NRXN3: variants seen among roughly 807,000 people sequenced by gnomAD.
NRXN3 encodes neurexin III.
A neutral mutation model predicts 137.6 loss-of-function variants in NRXN3; 32 were observed. The observed-to-expected ratio is 0.23, with a 90% CI of 0.18 to 0.31. NRXN3 has a LOEUF of 0.31. Among genes scored for constraint, NRXN3 ranks in the 10% least tolerant of loss-of-function variants. NRXN3 has a pLI of 1.00. For missense variants in NRXN3, 1,574 were observed against 2,062.5 expected (o/e 0.76, Z 4.59); for synonymous variants, 798 against 784.5 (o/e 1.02, Z -0.29).
intron 13 of NRXN3, among the ~76,000 whole-genome samples, chr14:78,967,649 G>A (rs952457561): frequency 6.6e-6 from 1 of 152,148 alleles, no homozygotes; most frequent in African/African-American, 2.4e-5. Context: ...ATGACAGGAT[G>A]AGTGTCAAAG....
At chr14:78,754,887 C>T (rs2098660815) in intron 8 of NRXN3, among the ~76,000 whole-genome samples, 1 of 151,396 alleles carries the variant, frequency 6.6e-6, no homozygotes, top group South Asian at 2.1e-4. Flanking sequence ...GTATCCACAC[C>T]TTTTTATAAT....
At chr14:78,537,203 A>C (rs2096544548) in intron 4 of NRXN3, among the ~76,000 whole-genome samples, 1 of 152,202 alleles carries the variant, frequency 6.6e-6, no homozygotes, top group African/African-American at 2.4e-5. Flanking sequence ...CAATGGTTGA[A>C]CTAATTTACA....
At chr14:78,201,449 G>A (rs1455267908) in intron 1 of NRXN3, among the ~76,000 whole-genome samples, 1 of 152,122 alleles carries the variant, frequency 6.6e-6, no homozygotes, top group Non-Finnish European at 1.5e-5. Context: ...ATCTCGAGCT[G>A]GTGCAGAAAA....
intron 17 of NRXN3, among the ~76,000 whole-genome samples, chr14:79,669,709 A>T (rs60386004): frequency 0.29 from 44,725 of 151,850 alleles, 8,435 homozygotes; most frequent in African/African-American, 0.53. Flanking sequence ...ATTTAACTGA[A>T]CTGGGGTGTG....
chr14:78,645,744 T>C lies in NRXN3; in HGVS notation c.1059+323T>C, dbSNP rs543454633. 5.9e-5 allele frequency among the ~76,000 whole-genome samples: 9 copies of C among 152,298 alleles called. No homozygotes were observed. The South Asian group carries it at 1.2e-3, about 21-fold the overall frequency. On this transcript the variant is annotated intron_variant, in intron 5 of 20. Transcript: ENST00000335750. ...CATTTTCTTAATTACATTTGAATCT[T>C]ATCGTATTATTGTTAAATTCAATTA...
At chr14:79,679,350 C>A (rs181416466) in intron 17 of NRXN3, among the ~76,000 whole-genome samples, 1 of 152,094 alleles carries the variant, frequency 6.6e-6, no homozygotes, top group Non-Finnish European at 1.5e-5. Flanking sequence ...AATCTTTAGA[C>A]ATGTTCCTCA....
At position 79,579,351 on chromosome 14, in the gene NRXN3, T is replaced by TATATATATATATATAATATATTTC. The variant is rs555428285; in HGVS notation, c.3445-84412_3445-84411insATATATTTCATATATATATATATA. Among the ~76,000 whole-genome samples, 722 of 69,240 alleles carry TATATATATATATATAATATATTTC rather than the reference T, an allele frequency of 0.01. 42 individuals carry two copies. In the East Asian group the frequency reaches 0.28, roughly 27 times the overall value. The allele number at this position is 69,240 out of a possible 152,430, so 45.4% of individuals were successfully genotyped here. A position where few individuals can be genotyped will look rare whatever the true frequency, so the allele number is the denominator to read the frequency against. ...ATGTGTGAGATATATATATATTTCA[T>TATATATATATATATAATATATTTC]ATATATATATATATATAATATATAT... On this transcript the variant is annotated intron_variant, in intron 16 of 20. Transcript: ENST00000335750.
intron 2 of NRXN3, among the ~76,000 whole-genome samples, chr14:78,274,465 A>T (rs747588743): frequency 1.6e-4 from 25 of 152,322 alleles, no homozygotes; most frequent in Middle Eastern, 3.4e-3. Context: ...TGCCCCCATG[A>T]TTAAATTATC....
At chr14:79,657,264 A>G (rs1209263392) in intron 16 of NRXN3, among the ~76,000 whole-genome samples, 1 of 152,176 alleles carries the variant, frequency 6.6e-6, no homozygotes, top group Non-Finnish European at 1.5e-5. Flanking sequence ...TGGAGCCTCA[A>G]TCAGTCCCAA....
chr14:78,862,473 T>A (rs1196434303), intron 10 of NRXN3, among the ~76,000 whole-genome samples: 1 of 152,100 alleles, frequency 6.6e-6, no homozygotes, highest in East Asian at 1.9e-4. Flanking sequence ...CCTATAAGAT[T>A]TTTTAGGATT....
At chr14:78,406,182 A>G (rs1286961684) in intron 4 of NRXN3, among the ~76,000 whole-genome samples, 1 of 152,234 alleles carries the variant, frequency 6.6e-6, no homozygotes, top group Non-Finnish European at 1.5e-5. Context: ...GCATGAGCAG[A>G]TGACAAAAAA....
At chr14:79,554,343 T>C (rs1342693614) in intron 16 of NRXN3, among the ~76,000 whole-genome samples, 2 of 152,188 alleles carry the variant, frequency 1.3e-5, no homozygotes, top group South Asian at 4.1e-4. Context: ...GTCTACTCTA[T>C]TAATTTTCTG....
At chr14:79,519,008 C>T (rs2097028103) in intron 16 of NRXN3, among the ~76,000 whole-genome samples, 1 of 152,274 alleles carries the variant, frequency 6.6e-6, no homozygotes, top group Non-Finnish European at 1.5e-5. Context: ...ATTCTCTACT[C>T]TTTAAAAGCT....
Position 79,861,226 on chromosome 14 carries a change from T to C in NRXN3, c.4094-116T>C. On this transcript the variant is annotated intron_variant, in intron 20 of 20. Transcript: ENST00000335750. This position sits in a 1 kb window ranked among gnomAD's most constrained non-coding sequence, Gnocchi z 5.4. ...CTTGCTTGTCGGACCAAGGCAGCGA[T>C]GGTTGTGATGATGATGGCTTGGTGA... 6.5e-7 allele frequency: 1 copy of C among 1,534,678 alleles called. No homozygotes were observed. The highest frequency in any genetic ancestry group is 8.7e-7 in the Non-Finnish European group (1 of 1,146,262).
intron 19 of NRXN3, among the ~76,000 whole-genome samples, chr14:79,766,939 A>C (rs1403686370): frequency 6.6e-6 from 1 of 152,194 alleles, no homozygotes; most frequent in African/African-American, 2.4e-5. Context: ...ACAAGAAATA[A>C]GGCCGAATAG....
intron 20 of NRXN3, among the ~76,000 whole-genome samples, chr14:79,817,353 T>G (rs2099254968): frequency 6.6e-6 from 1 of 152,128 alleles, no homozygotes. Context: ...GTTCCGGGCC[T>G]CCCTATATAG....
chr14:79,519,950 G>C (rs2097046618), intron 16 of NRXN3, among the ~76,000 whole-genome samples: 2 of 151,590 alleles, frequency 1.3e-5, no homozygotes, highest in South Asian at 4.2e-4. Context: ...TCTTACTTTT[G>C]ACTACTTCAT....
At chr14:79,371,325 T>C (rs1337000924) in intron 15 of NRXN3, among the ~76,000 whole-genome samples, 2 of 152,184 alleles carry the variant, frequency 1.3e-5, no homozygotes, top group South Asian at 2.1e-4. Flanking sequence ...ACAGAACATA[T>C]GATTCAACCT....
chr14:79,428,016 T>A (rs1491002538), intron 15 of NRXN3, among the ~76,000 whole-genome samples: 1 of 151,930 alleles, frequency 6.6e-6, no homozygotes, highest in African/African-American at 2.4e-5. Flanking sequence ...TGTGTTTCGA[T>A]CTGTGTGTGT....
Sources: gnomAD v4.1 joint callset for allele counts (sites outside exome capture counted in the v4.1 genomes callset) on GRCh38, gnomAD v4.1.1 for gene constraint, Gnocchi (gnomAD v3.1) non-coding constraint, MANE v1.5 for transcripts, NCBI Gene and HGNC (gene_info 2026-07-23, HGNC 2026-07-21) for gene names.